BTN3A2: variants seen among roughly 807,000 people sequenced by gnomAD.
The protein encoded by BTN3A2 is butyrophilin protein.
BTN3A2 carries 25 observed loss-of-function variants against 37.6 expected under a neutral mutation model. The observed-to-expected ratio is 0.66, with a 90% CI of 0.48 to 0.93. BTN3A2 has a LOEUF of 0.93. BTN3A2 is among the 40% of genes least tolerant of loss of function. The probability of loss-of-function intolerance (pLI) is 0.00; values close to 1 mark genes in which losing one functional copy is unlikely to be tolerated. For synonymous variants in BTN3A2, 122 were observed against 159.4 expected (o/e 0.77, Z 1.77); for missense variants, 266 against 410.9 (o/e 0.65, Z 3.05).
rs1342779422 is a variant in BTN3A2, at chr6:26,373,034, G to A, written c.853G>A (p.Glu285Lys). Residue 285 changes from glutamate to lysine, a missense_variant, in exon 6 of 11, where the codon GAA becomes AAA. This residue lies in a region of BTN3A2 where 204 missense variants were observed against 232.6 expected (regional missense o/e 0.88). Coordinates refer to ENST00000377708, the MANE Select transcript of BTN3A2 (RefSeq NM_007047.5). ...AATAACTGCTCTGTCCAGTGAGATA[G>A]AAAGTGAGCAAGAGATGAAAGAAAT... ...KEITALSSEI[E>K]SEQEMKEMGY... 1 of 1,614,220 alleles carries A rather than the reference G, an allele frequency of 6.2e-7. No individual in the cohort carries two copies. The highest frequency in any genetic ancestry group is 1.1e-5 in the South Asian group (1 of 91,084).
chr6:26,376,779 A>G lies in BTN3A2; in HGVS notation c.*1017A>G. ...AGTGGGGGACAGAAAAGAGTGGCAT[A>G]TTGGGGTATGTAGTAAGAACGTGGA... On this transcript the variant is annotated 3_prime_UTR_variant, in exon 11 of 11. Transcript: ENST00000377708. 4 of 1,611,508 alleles carry G rather than the reference A, an allele frequency of 2.5e-6. No individual in the cohort carries two copies. The highest frequency in any genetic ancestry group is 3.4e-6 in the Non-Finnish European group (4 of 1,177,714).
chr6:26,373,224 CA>C (rs757047232), intron 6 of BTN3A2, 51 bp from the exon 7 acceptor site: 995 of 1,593,298 alleles, frequency 6.2e-4, no homozygotes, highest in Non-Finnish European at 7.8e-4. Context: ...CAACCTCACC[CA>C]TAACAGTTCA....
chr6:26,365,692 G>GCAAACAAA (rs762610350), intron 1 of BTN3A2, among the ~76,000 whole-genome samples: 1 of 151,908 alleles, frequency 6.6e-6, no homozygotes, highest in African/African-American at 2.4e-5. Context: ...TCAGAAAAGG[G>GCAAACAAA]CAAACAAACA....
intron 10 of BTN3A2, 121 bp from the exon 11 acceptor site, chr6:26,375,676 A>C: frequency 6.6e-7 from 1 of 1,519,188 alleles, no homozygotes. Context: ...CCCAGCACAG[A>C]GACGGCCTTG....
In BTN3A2 at chr6:26,375,897, C is replaced by T. The variant is rs1030472853; in HGVS notation, c.*135C>T. On this transcript the variant is annotated 3_prime_UTR_variant, in exon 11 of 11. Transcript: ENST00000377708. ...GGAACTCATTTAGCTCACGAGTGGT[C>T]GAGTGAAGATTGAAAATTAACCTCT... The T allele has an allele frequency of 5.3e-5, 81 of 1,526,236 alleles. No homozygotes were observed. Among genetic ancestry groups the T allele is most frequent in the Non-Finnish European group, 6.5e-5 (73 of 1,125,580 alleles). 94.5% of individuals were successfully genotyped at this position (1,526,236 alleles called of 1,614,324 possible).
chr6:26,377,311 T>G lies in BTN3A2; in HGVS notation c.*1549T>G. 1 of 710,798 alleles carries G rather than the reference T, an allele frequency of 1.4e-6. No individual in the cohort carries two copies. The highest frequency in any genetic ancestry group is 2.5e-6 in the Non-Finnish European group (1 of 400,540). 44.0% of individuals were successfully genotyped at this position (710,798 alleles called of 1,614,324 possible). A position where few individuals can be genotyped will look rare whatever the true frequency, so the allele number is the denominator to read the frequency against. ...CACACACTGAAGCACTTTACTGATA[T>G]TCATTCAATTATTCCATAGGACAGT... On this transcript the variant is annotated 3_prime_UTR_variant, in exon 11 of 11. Transcript: ENST00000377708.
chr6:26,370,568 T>G lies in BTN3A2; in HGVS notation c.680T>G (p.Leu227Arg), dbSNP rs752985849. 3 of 1,614,190 alleles carry G rather than the reference T, an allele frequency of 1.9e-6. No homozygotes were observed. Among genetic ancestry groups the G allele is most frequent in the Non-Finnish European group, 2.5e-6 (3 of 1,180,022 alleles). The change falls in exon 5 of 11, where the codon CTC (leucine) becomes CGC (arginine). Residue 227 changes from leucine (L) to arginine (R), a missense_variant. Around this residue, in one of 3 missense-constraint regions of BTN3A2, gnomAD observed 204 missense variants for 232.6 expected, o/e 0.88. Coordinates refer to ENST00000377708, the MANE Select transcript of BTN3A2 (RefSeq NM_007047.5). ...GVSCIIRNSL[L>R]GLEKTASISI... ...TCCTGCATCATCAGAAATTCCCTCC[T>G]CGGCCTGGAAAAGACAGCCAGCATT...
intron 9 of BTN3A2, 54 bp downstream of exon 9, chr6:26,374,427 C>T: frequency 8.5e-6 from 13 of 1,525,788 alleles, no homozygotes; most frequent in Non-Finnish European, 1.2e-5. Flanking sequence ...TCCACTGTGA[C>T]CCGTGGATGT....
intron 5 of BTN3A2, 48 bp from the exon 6 acceptor site, chr6:26,372,849 G>T: frequency 6.2e-7 from 1 of 1,608,014 alleles, no homozygotes; most frequent in South Asian, 1.1e-5. Context: ...GCAGGCTGGG[G>T]AGGCTGAGCG....
chr6:26,372,877 T>A lies in BTN3A2; in HGVS notation c.716-20T>A. The A allele has an allele frequency of 6.2e-7, 1 of 1,612,552 alleles. No individual in the cohort carries two copies. The highest frequency in any genetic ancestry group is 8.5e-7 in the Non-Finnish European group (1 of 1,179,934). The stretch of plus-strand genomic sequence containing the variant: ...GCTGAGCGCACCAGCGCCCATGACC[T>A]ACAGCTCTCCCCTTCGCAGACCCCT... On this transcript the variant is annotated intron_variant, in intron 5 of 10. Transcript: ENST00000377708.
chr6:26,376,456 C>A lies in BTN3A2; in HGVS notation c.*694C>A. 3 of 894,228 alleles carry A rather than the reference C, an allele frequency of 3.4e-6. No homozygotes were observed. The highest frequency in any genetic ancestry group is 4.7e-6 in the Non-Finnish European group (3 of 640,326). The allele number at this position is 894,228 out of a possible 1,614,324, so 55.4% of individuals were successfully genotyped here. A position where few individuals can be genotyped will look rare whatever the true frequency, so the allele number is the denominator to read the frequency against. On this transcript the variant is annotated 3_prime_UTR_variant, in exon 11 of 11. Coordinates refer to ENST00000377708, the MANE Select transcript of BTN3A2 (RefSeq NM_007047.5). ...ATGAGAGAATCACATTCAGGGCAGGCTAGGGACACGGGGTTCTGGAAGGAC... is the reference window on the plus strand; with the variant it reads ...ATGAGAGAATCACATTCAGGGCAGGATAGGGACACGGGGTTCTGGAAGGAC...
In BTN3A2 at chr6:26,370,462, G is replaced by T; in HGVS notation, c.574G>T (p.Ala192Ser). ...AKGENIPAVEAPVVADGVGLY... is the reference protein window; with the variant it reads ...AKGENIPAVESPVVADGVGLY... ...GGGAGAGAACATCCCAGCTGTGGAAGCACCTGTGGTTGCAGATGGAGTGGG... is the reference window on the plus strand; with the variant it reads ...GGGAGAGAACATCCCAGCTGTGGAATCACCTGTGGTTGCAGATGGAGTGGG... The change falls in exon 5 of 11, where the codon GCA becomes TCA. Residue 192 changes from alanine (A) to serine (S), a missense_variant. By Grantham distance (99) the Ala-to-Ser change is moderately conservative. Around this residue, in one of 3 missense-constraint regions of BTN3A2, gnomAD observed 204 missense variants for 232.6 expected, o/e 0.88. Transcript: ENST00000377708. 1.9e-6 allele frequency: 3 copies of T among 1,614,248 alleles called. No homozygotes were observed. Among genetic ancestry groups the T allele is most frequent in the Non-Finnish European group, 2.5e-6 (3 of 1,180,048 alleles).
intron 9 of BTN3A2, 157 bp downstream of exon 9, chr6:26,374,530 G>C (rs1468125473): frequency 1.1e-6 from 1 of 887,888 alleles, no homozygotes; most frequent in Non-Finnish European, 1.8e-6. Context: ...AGAAACTCCT[G>C]ATCCTGCACA....
At chr6:26,369,557 T>G (rs753332188) in intron 4 of BTN3A2, among the ~76,000 whole-genome samples, 36 of 152,068 alleles carry the variant, frequency 2.4e-4, no homozygotes, top group Non-Finnish European at 4.4e-4. Context: ...GCAGGTTAAT[T>G]CTGAGTGAGA....
chr6:26,374,727 C>T (rs1243579854), intron 9 of BTN3A2, 44 bp from the exon 10 acceptor site: 2 of 1,505,660 alleles, frequency 1.3e-6, no homozygotes, highest in Non-Finnish European at 1.8e-6. Context: ...GGGAAAAGTA[C>T]AAAAATACTG....
At chr6:26,372,753 G>A in intron 5 of BTN3A2, 144 bp from the exon 6 acceptor site, 2 of 954,180 alleles carry the variant, frequency 2.1e-6, no homozygotes, top group Non-Finnish European at 3.1e-6. Flanking sequence ...AGTCCTCTGA[G>A]ACTTTAGGGA....
rs1381793971 is a variant in BTN3A2, at chr6:26,372,972, C to T, written c.791C>T (p.Ala264Val). 3 of 1,614,220 alleles carry T rather than the reference C, an allele frequency of 1.9e-6. No individual in the cohort carries two copies. The highest frequency in any genetic ancestry group is 2.5e-6 in the Non-Finnish European group (3 of 1,180,048). Residue 264 changes from alanine to valine, a missense_variant, in exon 6 of 11, where the codon GCC becomes GTC. Coordinates refer to ENST00000377708, the MANE Select transcript of BTN3A2 (RefSeq NM_007047.5). ...CTGCCTATCTTGCTGCTGCTTCTCGCCGGAGCCAGTTACTTCTTGTGGAGA... is the reference window on the plus strand; with the variant it reads ...CTGCCTATCTTGCTGCTGCTTCTCGTCGGAGCCAGTTACTTCTTGTGGAGA... ...GTLPILLLLLAGASYFLWRQQ... is the reference protein window; with the variant it reads ...GTLPILLLLLVGASYFLWRQQ...
At chr6:26,375,384 G>T in intron 10 of BTN3A2, 1 of 411,646 alleles carries the variant, frequency 2.4e-6, no homozygotes. Context: ...GAAAGAGGTA[G>T]CTTAACGAGG....
rs886570916 is a variant in BTN3A2 at position 26,377,124 on chromosome 6, G to A, written c.*1362G>A. ...AAAAGTAGAGAGTTCCCCCGATCCC[G>A]ACCTAGTGCCTGATCATTCCCTGGA... is the stretch of plus-strand genomic sequence containing the variant. On this transcript the variant is annotated 3_prime_UTR_variant, in exon 11 of 11. Coordinates refer to ENST00000377708, the MANE Select transcript of BTN3A2 (RefSeq NM_007047.5). 65 of 1,310,584 alleles carry A rather than the reference G, an allele frequency of 5.0e-5. No individual in the cohort carries two copies. Among genetic ancestry groups the A allele is most frequent in the South Asian group, 1.8e-4 (15 of 84,870 alleles). The allele number at this position is 1,310,584 out of a possible 1,614,324, so 81.2% of individuals were successfully genotyped here.
Sources: gnomAD v4.1 joint callset for allele counts (sites outside exome capture counted in the v4.1 genomes callset) on GRCh38, gnomAD v4.1.1 for gene constraint, gnomAD v4.1.1 regional missense constraint, MANE v1.5 for transcripts, NCBI Gene and HGNC (gene_info 2026-07-23, HGNC 2026-07-21) for gene names.